Variants in KIAA0232 observed in about 807,000 individuals in gnomAD.
KIAA0232 encodes the protein uncharacterized protein KIAA0232.
A neutral mutation model predicts 122.0 loss-of-function variants in KIAA0232; 27 were observed. That is an observed-to-expected ratio of 0.22 (90% CI 0.16 to 0.31). The LOEUF (loss-of-function observed/expected upper bound fraction) is 0.31, where lower values mean the gene tolerates loss of function less well. Ranked by LOEUF, KIAA0232 falls within the 10% of genes least tolerant of loss-of-function variation. The probability of loss-of-function intolerance (pLI) is 1.00; values close to 1 mark genes in which losing one functional copy is unlikely to be tolerated. For missense variants in KIAA0232, 1,551 were observed against 1,634.2 expected, an observed-to-expected ratio of 0.95 and a Z score of 0.88; for synonymous variants, 613 against 587.6, an observed-to-expected ratio of 1.04 and a Z score of -0.63.
rs753266722 is a variant in KIAA0232, at chr4:6,861,994, C to A, written c.1612C>A (p.Arg538=). ...AGAAAGTCGGATTTTGAATATGATT[C>A]GACAGAAAAGCAAAGAGAACACAGA... The part of the protein sequence containing the change: ...QGESRILNMI[R]QKSKENTDFE... The change falls in exon 7 of 10, where the codon CGA becomes AGA. Residue 538 remains arginine (R), a synonymous_variant. Transcript: ENST00000307659. The A allele has an allele frequency of 1.9e-6, 3 of 1,614,014 alleles. No individual in the cohort carries two copies. Among genetic ancestry groups the A allele is most frequent in the Non-Finnish European group, 2.5e-6 (3 of 1,179,996 alleles).
At chr4:6,789,299 AGTTTTACTCT>A (rs2108863330) in intron 1 of KIAA0232, among the ~76,000 whole-genome samples, 1 of 120,726 alleles carries the variant, frequency 8.3e-6, no homozygotes, top group Admixed American at 9.4e-5. Flanking sequence ...CCCGAGACTG[AGTTTTACTCT>A]GTCACCCAGG....
intron 6 of KIAA0232, among the ~76,000 whole-genome samples, chr4:6,859,100 TA>T (rs34866239): frequency 0.059 from 6,278 of 106,222 alleles, 265 homozygotes; most frequent in African/African-American, 0.16. Context: ...TCTGTCTTAT[TA>T]AAAAAAAAAA....
Position 6,880,853 on chromosome 4 carries a change from C to A in KIAA0232, c.4075C>A (p.Arg1359Ser), listed in dbSNP as rs149493190. ...RDSGAKSDGF[R>S]GKMCSSASST... ...TTCTGGAGCAAAGTCAGATGGCTTCCGCGGAAAGATGTGCTCCAGCGCCAG... is the reference window on the plus strand; with the variant it reads ...TTCTGGAGCAAAGTCAGATGGCTTCAGCGGAAAGATGTGCTCCAGCGCCAG... The change falls in exon 10 of 10, where the codon CGC becomes AGC. Residue 1359 changes from arginine (R) to serine (S), a missense_variant. Arg to Ser is a moderately radical substitution (Grantham distance 110). This residue lies in a region of KIAA0232 where 1,108 missense variants were observed against 1,154.8 expected (regional missense o/e 0.96). Transcript: ENST00000307659. 1 of 1,606,576 alleles carries A rather than the reference C, an allele frequency of 6.2e-7. No individual in the cohort carries two copies. The highest frequency in any genetic ancestry group is 1.7e-5 in the Admixed American group (1 of 58,996).
At chr4:6,823,781 T>G (rs1718536451) in intron 2 of KIAA0232, among the ~76,000 whole-genome samples, 1 of 152,156 alleles carries the variant, frequency 6.6e-6, no homozygotes, top group African/African-American at 2.4e-5. Flanking sequence ...TCCTGAATTT[T>G]CATTTATTTT....
chr4:6,810,302 C>T lies in KIAA0232; in HGVS notation c.-270+5696C>T, dbSNP rs538786253. Among the ~76,000 whole-genome samples, 4 of 152,142 alleles carry T rather than the reference C, an allele frequency of 2.6e-5. No individual in the cohort carries two copies. In the East Asian group the frequency reaches 5.8e-4, roughly 22 times the overall value. On this transcript the variant is annotated intron_variant, in intron 2 of 9. Coordinates refer to ENST00000307659, the MANE Select transcript of KIAA0232 (RefSeq NM_014743.3). ...TTTATAGCCAACTGATCTTTGACAA[C>T]GCTACCAACAACATACATCAGAGAA...
chr4:6,788,700 A>G (rs1716746260), intron 1 of KIAA0232, among the ~76,000 whole-genome samples: 1 of 152,240 alleles, frequency 6.6e-6, no homozygotes, highest in African/African-American at 2.4e-5. Context: ...AATTAACTCA[A>G]AATTTACAGT....
At chr4:6,786,726 A>G (rs543821285) in intron 1 of KIAA0232, among the ~76,000 whole-genome samples, 13 of 152,216 alleles carry the variant, frequency 8.5e-5, no homozygotes, top group Non-Finnish European at 1.6e-4. Flanking sequence ...GGTCTTTCAC[A>G]TAATCACATA....
chr4:6,798,914 G>A (rs1717253723), intron 1 of KIAA0232, among the ~76,000 whole-genome samples: 1 of 152,142 alleles, frequency 6.6e-6, no homozygotes, highest in South Asian at 2.1e-4. Flanking sequence ...TCAGGTGTAG[G>A]GGAGGAAGTC....
At chr4:6,785,882 G>C (rs1271478140) in intron 1 of KIAA0232, among the ~76,000 whole-genome samples, 1 of 152,212 alleles carries the variant, frequency 6.6e-6, no homozygotes. Flanking sequence ...AACATGCCAA[G>C]CTATTTCAGA....
intron 4 of KIAA0232, among the ~76,000 whole-genome samples, chr4:6,849,706 C>A (rs547643469): frequency 1.3e-5 from 2 of 151,142 alleles, no homozygotes; most frequent in East Asian, 3.9e-4. Context: ...TTGAACCAGG[C>A]GGTGGAGCCA....
chr4:6,800,043 C>CTTTTTTTTTTTTTTTTTTTTTTTTTTTTT lies in KIAA0232; in HGVS notation c.-353-4476_-353-4448dup, dbSNP rs752428517. ...TTTCTTTTTCTTTCTTTCTTTCTTT[C>CTTTTTTTTTTTTTTTTTTTTTTTTTTTTT]TTTTTTTTTTTTTTTTTTTTTTTTT... On this transcript the variant is annotated intron_variant, in intron 1 of 9. Coordinates refer to ENST00000307659, the MANE Select transcript of KIAA0232 (RefSeq NM_014743.3). Among the ~76,000 whole-genome samples, 77 of 60,080 alleles carry CTTTTTTTTTTTTTTTTTTTTTTTTTTTTT rather than the reference C, an allele frequency of 1.3e-3. 14 individuals carry two copies. Among genetic ancestry groups the CTTTTTTTTTTTTTTTTTTTTTTTTTTTTT allele is most frequent in the Non-Finnish European group, 1.8e-3 (51 of 28,096 alleles). 39.4% of individuals were successfully genotyped at this position (60,080 alleles called of 152,430 possible).
chr4:6,825,765 T>A (rs1718645490), intron 3 of KIAA0232, among the ~76,000 whole-genome samples: 1 of 152,206 alleles, frequency 6.6e-6, no homozygotes, highest in Non-Finnish European at 1.5e-5. Flanking sequence ...TAAAATCTTT[T>A]GGTTTTTATA....
chr4:6,863,293 G>A lies in KIAA0232; in HGVS notation c.2911G>A (p.Gly971Ser). 6.2e-7 allele frequency: 1 copy of A among 1,614,132 alleles called. No individual in the cohort carries two copies. Among genetic ancestry groups the A allele is most frequent in the Non-Finnish European group, 8.5e-7 (1 of 1,180,028 alleles). Reference protein sequence around the residue: ...CAASDVVTIAGTDVFMTPGNS... With the variant: ...CAASDVVTIASTDVFMTPGNS... ...AGCTTCTGATGTTGTGACGATAGCT[G>A]GTACAGATGTCTTTATGACCCCAGG... The change falls in exon 7 of 10, where the codon GGT (glycine) becomes AGT (serine). Residue 971 changes from glycine (G) to serine (S), a missense_variant. Transcript: ENST00000307659.
At chr4:6,815,284 A>G (rs1718066489) in intron 2 of KIAA0232, among the ~76,000 whole-genome samples, 1 of 152,164 alleles carries the variant, frequency 6.6e-6, no homozygotes, top group Admixed American at 6.5e-5. Context: ...TGTGACCATT[A>G]GAGGTAAGTT....
intron 1 of KIAA0232, among the ~76,000 whole-genome samples, chr4:6,798,734 T>A (rs1239981012): frequency 6.6e-6 from 1 of 152,152 alleles, no homozygotes; most frequent in African/African-American, 2.4e-5. Context: ...TATTTTTTTG[T>A]AGAAATGGAG....
chr4:6,807,018 T>TTGTCTGTCTGTC (rs565964056), intron 2 of KIAA0232, among the ~76,000 whole-genome samples: 9 of 145,434 alleles, frequency 6.2e-5, no homozygotes, highest in African/African-American at 2.0e-4. Flanking sequence ...TTTTTCCTTT[T>TTGTCTGTCTGTC]TGTCTGTCTG....
intron 3 of KIAA0232, among the ~76,000 whole-genome samples, chr4:6,825,955 C>G (rs973802032): frequency 1.3e-5 from 2 of 152,090 alleles, no homozygotes; most frequent in African/African-American, 4.8e-5. Context: ...CACCAAGATG[C>G]TTAACTTTTT....
intron 4 of KIAA0232, among the ~76,000 whole-genome samples, chr4:6,848,957 G>A (rs1237769842): frequency 3.9e-5 from 6 of 152,226 alleles, no homozygotes; most frequent in Admixed American, 3.9e-4. Flanking sequence ...TATATAGATG[G>A]CAGTGGAGCT....
intron 1 of KIAA0232, among the ~76,000 whole-genome samples, chr4:6,799,503 G>T (rs1399252166): frequency 2.0e-5 from 3 of 151,788 alleles, no homozygotes; most frequent in East Asian, 3.9e-4. Context: ...AGCTAGGTCT[G>T]TCAGAGGAAT....
Sources: gnomAD v4.1 joint callset for allele counts (sites outside exome capture counted in the v4.1 genomes callset) on GRCh38, gnomAD v4.1.1 for gene constraint, gnomAD v4.1.1 regional missense constraint, MANE v1.5 for transcripts, NCBI Gene and HGNC (gene_info 2026-07-23, HGNC 2026-07-21) for gene names.